Variants in NUP88 observed in about 807,000 individuals in gnomAD.
NUP88 encodes the protein nucleoporin 88, also known as nuclear pore complex protein Nup88.
Under a neutral mutation model 93.9 loss-of-function variants are expected in NUP88, and 57 were observed. The ratio of observed to expected loss-of-function variants is 0.61; its 90% CI spans 0.49 to 0.76. NUP88 has a LOEUF of 0.76. NUP88 is among the 30% of genes least tolerant of loss of function. The pLI, the probability that NUP88 is intolerant of heterozygous loss-of-function variation, is 0.00. For missense variants in NUP88, 911 were observed against 901.0 expected (o/e 1.01, Z -0.14); for synonymous variants, 346 against 336.8 (o/e 1.03, Z -0.30).
chr17:5,417,944 A>T (rs1046663870), intron 1 of NUP88: 1 of 152,150 alleles, frequency 6.6e-6, no homozygotes, highest in Non-Finnish European at 1.5e-5. Context: ...GTTCAAGACC[A>T]GCCTGGCCAA....
At position 5,387,019 on chromosome 17, in the gene NUP88, C is replaced by A; in HGVS notation, c.2008G>T (p.Asp670Tyr). ...DMKKELQLIP[D>Y]QLRHLGNAIK... ...GCATTGCCCAAATGTCGAAGTTGAT[C>A]AGGTATCAGCTGTAATTCTTTCTTC... Residue 670 changes from aspartate to tyrosine, a missense_variant, in exon 15 of 17, where the codon GAT becomes TAT. Physicochemically the swap from Asp to Tyr is radical, Grantham distance 160. Transcript: ENST00000573584. The A allele has an allele frequency of 6.2e-7, 1 of 1,614,012 alleles. No individual in the cohort carries two copies. The highest frequency in any genetic ancestry group is 1.1e-5 in the South Asian group (1 of 91,062).
intron 6 of NUP88, 109 bp from the exon 7 acceptor site, chr17:5,404,355 G>T: frequency 9.0e-7 from 1 of 1,111,512 alleles, no homozygotes; most frequent in South Asian, 1.5e-5. Context: ...GTTCTTGCCT[G>T]TAATCCCAGC....
In NUP88 at chr17:5,388,785, T is replaced by C; in HGVS notation, c.1643+17A>G. On this transcript the variant is annotated intron_variant, in intron 11 of 16. Coordinates refer to ENST00000573584, the MANE Select transcript of NUP88 (RefSeq NM_002532.6). ...AGAGAACCCATTCATAAAACCGCTA[T>C]GCCCAAGGTTGCATACTTCAAAAAT... 6.2e-7 allele frequency: 1 copy of C among 1,604,304 alleles called. No homozygotes were observed. Among genetic ancestry groups the C allele is most frequent in the Non-Finnish European group, 8.5e-7 (1 of 1,175,160 alleles).
At chr17:5,402,317 A>G (rs1421388803) in intron 7 of NUP88, among the ~76,000 whole-genome samples, 1 of 151,974 alleles carries the variant, frequency 6.6e-6, no homozygotes. Flanking sequence ...CAAAAAAAAA[A>G]ACAAAAAACA....
At chr17:5,392,231 C>T (rs564101678) in intron 9 of NUP88, among the ~76,000 whole-genome samples, 199 of 152,320 alleles carry the variant, frequency 1.3e-3, no homozygotes, top group African/African-American at 4.3e-3. Context: ...CATCTGCCCC[C>T]GAATGTGGAT....
At chr17:5,386,639 G>A (rs1773295052) in intron 16 of NUP88, 69 bp downstream of exon 16, 4 of 1,035,776 alleles carry the variant, frequency 3.9e-6, no homozygotes, top group Non-Finnish European at 6.1e-6. Flanking sequence ...TATTAAGACA[G>A]GTTGATTCTG....
chr17:5,386,169 G>C lies in NUP88; in HGVS notation c.*37C>G, dbSNP rs372814343. On this transcript the variant is annotated 3_prime_UTR_variant, in exon 17 of 17. Transcript: ENST00000573584. ...TACAATATGGGTTTAAGCCTTCAAT[G>C]GTGTTCAGTTCAGGTGTGAGTCAGC... The C allele has an allele frequency of 2.6e-6, 4 of 1,512,538 alleles. No individual in the cohort carries two copies. The African/African-American group carries it at 4.2e-5, about 16-fold the overall frequency. 93.7% of individuals were successfully genotyped at this position (1,512,538 alleles called of 1,614,324 possible). A position where few individuals can be genotyped will look rare whatever the true frequency, so the allele number is the denominator to read the frequency against.
intron 12 of NUP88, 45 bp from the exon 13 acceptor site, chr17:5,387,715 A>T (rs1253071095): frequency 6.2e-7 from 1 of 1,607,458 alleles, no homozygotes; most frequent in Admixed American, 1.7e-5. Flanking sequence ...AGCCAGGTCT[A>T]GGCTACCATA....
At position 5,387,018 on chromosome 17, in the gene NUP88, T is replaced by A. The variant is rs779059538; in HGVS notation, c.2009A>T (p.Asp670Val). 5.6e-6 allele frequency: 9 copies of A among 1,614,006 alleles called. No homozygotes were observed. The highest frequency in any genetic ancestry group is 2.2e-5 in the South Asian group (2 of 91,074). Residue 670 changes from aspartate to valine, a missense_variant, in exon 15 of 17, where the codon GAT (aspartate) becomes GTT (valine). Transcript: ENST00000573584. ...DMKKELQLIP[D>V]QLRHLGNAIK... ...GGCATTGCCCAAATGTCGAAGTTGA[T>A]CAGGTATCAGCTGTAATTCTTTCTT...
chr17:5,410,454 G>A (rs563511606), intron 4 of NUP88, among the ~76,000 whole-genome samples: 5 of 143,054 alleles, frequency 3.5e-5, no homozygotes, highest in Non-Finnish European at 7.5e-5. Context: ...ATAAAGAAAT[G>A]AATGGTGGCT....
chr17:5,394,993 G>A lies in NUP88; in HGVS notation c.1292-12C>T, dbSNP rs774611314. ...CTTATCTTCTTCATCTACCATGGAA[G>A]ACATTACATAAATGAAATGATGCTT... On this transcript the variant is annotated splice_polypyrimidine_tract_variant and intron_variant, in intron 8 of 16. Coordinates refer to ENST00000573584, the MANE Select transcript of NUP88 (RefSeq NM_002532.6). 6.0e-6 allele frequency: 9 copies of A among 1,500,988 alleles called. No individual in the cohort carries two copies. Among genetic ancestry groups the A allele is most frequent in the Admixed American group, 5.0e-5 (3 of 59,710 alleles). 93.0% of individuals were successfully genotyped at this position (1,500,988 alleles called of 1,614,324 possible).
chr17:5,399,049 C>T (rs960923609), intron 8 of NUP88, among the ~76,000 whole-genome samples: 8 of 151,680 alleles, frequency 5.3e-5, no homozygotes, highest in African/African-American at 1.5e-4. Context: ...CCACCACGCC[C>T]GGAGAATTTA....
intron 7 of NUP88, among the ~76,000 whole-genome samples, chr17:5,401,861 G>A (rs762022998): frequency 1.3e-5 from 2 of 152,158 alleles, no homozygotes; most frequent in Non-Finnish European, 2.9e-5. Flanking sequence ...TTACTTAACA[G>A]GAAATTTGTT....
At chr17:5,389,869 A>G (rs975546501) in intron 10 of NUP88, among the ~76,000 whole-genome samples, 5 of 150,668 alleles carry the variant, frequency 3.3e-5, no homozygotes, top group African/African-American at 1.2e-4. Flanking sequence ...ATGATCTGAA[A>G]GTATCCAGAT....
rs1196707054 is a variant in NUP88 at position 5,386,077 on chromosome 17, T to TA, written c.*128dup. The TA allele has an allele frequency of 1.0e-4, 68 of 656,858 alleles. No individual in the cohort carries two copies. In the South Asian group the frequency reaches 1.5e-3, roughly 14 times the overall value. The allele number at this position is 656,858 out of a possible 1,614,324, so 40.7% of individuals were successfully genotyped here. On this transcript the variant is annotated 3_prime_UTR_variant, in exon 17 of 17. Coordinates refer to ENST00000573584, the MANE Select transcript of NUP88 (RefSeq NM_002532.6). ...CTCAATTATTATAAAACAACATATT[T>TA]AAAAAGATGAACCACACCAAAGGTC...
At chr17:5,411,103 A>G (rs1346411143) in intron 3 of NUP88, among the ~76,000 whole-genome samples, 1 of 151,966 alleles carries the variant, frequency 6.6e-6, no homozygotes, top group Non-Finnish European at 1.5e-5. Context: ...TCATCTCACT[A>G]TTGCCCCTAA....
chr17:5,390,166 A>AC lies in NUP88; in HGVS notation c.1485-1207_1485-1206insG, dbSNP rs1352635405. On this transcript the variant is annotated intron_variant, in intron 10 of 16. Coordinates refer to ENST00000573584, the MANE Select transcript of NUP88 (RefSeq NM_002532.6). ...GGCAACACAGCAAACTCCGTCTCAA[A>AC]AAAAAAAAAAAAAAATATCCAGACA... Among the ~76,000 whole-genome samples the AC allele has an allele frequency of 1.9e-4, 27 of 144,084 alleles. 1 individual carries two copies. Among genetic ancestry groups the AC allele is most frequent in the Non-Finnish European group, 1.7e-4 (11 of 65,904 alleles). 94.5% of individuals were successfully genotyped at this position (144,084 alleles called of 152,430 possible).
At chr17:5,418,692 C>T (rs1914360863) in intron 1 of NUP88, among the ~76,000 whole-genome samples, 1 of 152,190 alleles carries the variant, frequency 6.6e-6, no homozygotes, top group African/African-American at 2.4e-5. Context: ...GGGCACACAA[C>T]AGATGTCATA....
rs746576707 is a variant in NUP88, at chr17:5,408,055, C to T, written c.857+678G>A. On this transcript the variant is annotated intron_variant, in intron 5 of 16. Coordinates refer to ENST00000573584, the MANE Select transcript of NUP88 (RefSeq NM_002532.6). ...TATTTTTAATTCCAGCAAATTTTCT[C>T]GGGACAGATACTCCAGCTTTATCAC... Among the ~76,000 whole-genome samples, 7 of 152,304 alleles carry T rather than the reference C, an allele frequency of 4.6e-5. No homozygotes were observed. The South Asian group carries it at 6.2e-4, about 14-fold the overall frequency.
Sources: allele counts gnomAD v4.1 joint callset (sites outside exome capture counted in the v4.1 genomes callset), GRCh38; gene constraint gnomAD v4.1.1; transcripts MANE v1.5; gene names NCBI Gene and HGNC (gene_info 2026-07-23, HGNC 2026-07-21).